SPPL3: variants seen among roughly 807,000 people sequenced by gnomAD.
SPPL3 encodes signal peptide peptidase-like 3.
SPPL3 carries 5 observed loss-of-function variants against 42.4 expected under a neutral mutation model. The observed-to-expected ratio is 0.12, with a 90% confidence interval of 0.06 to 0.25. The LOEUF (loss-of-function observed/expected upper bound fraction) is 0.25. Among genes scored for constraint, SPPL3 ranks in the 10% least tolerant of loss-of-function variants. The pLI is 1.00. For missense variants in SPPL3, 235 were observed against 489.0 expected (o/e 0.48, Z 4.90); for synonymous variants, 195 against 181.8 (o/e 1.07, Z -0.58).
chr12:120,829,324 G>A (rs938051576), intron 1 of SPPL3, among the ~76,000 whole-genome samples: 1 of 152,130 alleles, frequency 6.6e-6, no homozygotes, highest in Non-Finnish European at 1.5e-5. Flanking sequence ...GGCTGGGTAC[G>A]GTAGCTCACG....
chr12:120,842,946 C>T (rs966802165), intron 1 of SPPL3, among the ~76,000 whole-genome samples: 1 of 152,148 alleles, frequency 6.6e-6, no homozygotes, highest in African/African-American at 2.4e-5. Context: ...GACTTAGAAA[C>T]TGGAGGAGGC....
At position 120,766,089 on chromosome 12, in the gene SPPL3, A is replaced by AGCGC. The variant is rs762176472; in HGVS notation, c.1083+170_1083+173dup. Among the ~76,000 whole-genome samples, 22 of 142,770 alleles carry AGCGC rather than the reference A, an allele frequency of 1.5e-4. No individual in the cohort carries two copies. The South Asian group carries it at 1.9e-3, about 12-fold the overall frequency. The allele number at this position is 142,770 out of a possible 152,430, so 93.7% of individuals were successfully genotyped here. A position where few individuals can be genotyped will look rare whatever the true frequency, so the allele number is the denominator to read the frequency against. ...TGGAAGCGTTTGCTAACGCCAGGGT[A>AGCGC]GCGCGCGCGCGCACACACACACACA... On this transcript the variant is annotated intron_variant, in intron 10 of 10. Coordinates refer to ENST00000353487, the MANE Select transcript of SPPL3 (RefSeq NM_139015.5).
intron 1 of SPPL3, among the ~76,000 whole-genome samples, chr12:120,894,114 C>T (rs931705354): frequency 1.3e-5 from 2 of 152,140 alleles, no homozygotes; most frequent in African/African-American, 4.8e-5. Context: ...ACCCTGAGGT[C>T]AGGAGTTCAC....
intron 6 of SPPL3, chr12:120,769,287 C>G (rs1210307385): frequency 2.4e-6 from 1 of 414,786 alleles, no homozygotes; most frequent in African/African-American, 2.0e-5. Context: ...AGACATAGTG[C>G]TCGGCTGTTG....
At chr12:120,862,568 T>C (rs779160558) in intron 1 of SPPL3, among the ~76,000 whole-genome samples, 3 of 152,088 alleles carry the variant, frequency 2.0e-5, no homozygotes, top group African/African-American at 4.8e-5. Flanking sequence ...TTATAAAGGA[T>C]ACAACTCAGG....
chr12:120,811,954 A>T (rs1040028360), intron 1 of SPPL3, among the ~76,000 whole-genome samples: 1 of 152,190 alleles, frequency 6.6e-6, no homozygotes, highest in Non-Finnish European at 1.5e-5. Flanking sequence ...GATGCAGTCT[A>T]AGAACAGGGG....
rs1021848058 is a variant in SPPL3 at position 120,764,285 on chromosome 12, T to C, written c.*714A>G. ...ACAGCGTGATCTTAGCAGGATTTCATTTTTGTTTATTCATATATATCTATG... is the reference window on the plus strand; with the variant it reads ...ACAGCGTGATCTTAGCAGGATTTCACTTTTGTTTATTCATATATATCTATG... On this transcript the variant is annotated 3_prime_UTR_variant, in exon 11 of 11. Coordinates refer to ENST00000353487, the MANE Select transcript of SPPL3 (RefSeq NM_139015.5). 1 of 152,122 alleles carries C rather than the reference T, an allele frequency of 6.6e-6. No individual in the cohort carries two copies. Among genetic ancestry groups the C allele is most frequent in the Non-Finnish European group, 1.5e-5 (1 of 68,040 alleles). 9.4% of individuals were successfully genotyped at this position (152,122 alleles called of 1,614,324 possible).
rs903238602 is a variant in SPPL3 at position 120,791,285 on chromosome 12, A to G, written c.190+184T>C. ...TCAAATCTTTCTATAAGCATCAAAC[A>G]TTTTTATTAACGTTATTGAGGTACA... On this transcript the variant is annotated intron_variant, in intron 3 of 10. Transcript: ENST00000353487. Among the ~76,000 whole-genome samples the G allele has an allele frequency of 3.3e-5, 5 of 152,184 alleles. 1 individual carries two copies. In the South Asian group the frequency reaches 1.0e-3, roughly 31 times the overall value.
intron 2 of SPPL3, 138 bp from the exon 3 acceptor site, chr12:120,791,695 T>C (rs1054448867): frequency 3.2e-6 from 2 of 621,966 alleles, no homozygotes; most frequent in Admixed American, 3.4e-5. Flanking sequence ...ATAGCTCTTG[T>C]AACATTTTAA....
At chr12:120,796,008 A>C (rs1326588806) in intron 2 of SPPL3, among the ~76,000 whole-genome samples, 1 of 152,166 alleles carries the variant, frequency 6.6e-6, no homozygotes, top group Non-Finnish European at 1.5e-5. Flanking sequence ...ATTGCTGTTA[A>C]TCCCATCCAG....
At chr12:120,803,518 C>T (rs900808726) in intron 2 of SPPL3, among the ~76,000 whole-genome samples, 10 of 151,600 alleles carry the variant, frequency 6.6e-5, no homozygotes, top group African/African-American at 2.2e-4. Flanking sequence ...TTTTTCTCAG[C>T]TCCAGAAAGG....
chr12:120,766,100 G>GCGCGCA (rs1186435935), intron 10 of SPPL3, among the ~76,000 whole-genome samples, 163 bp downstream of exon 10: 2 of 84,142 alleles, frequency 2.4e-5, no homozygotes, highest in African/African-American at 4.3e-5. Context: ...GCGCGCGCGC[G>GCGCGCA]CACACACACA....
chr12:120,784,637 G>GT, intron 3 of SPPL3, 44 bp from the exon 4 acceptor site: 1 of 1,511,098 alleles, frequency 6.6e-7, no homozygotes, highest in Non-Finnish European at 9.0e-7. Context: ...TTATGCACCA[G>GT]GCACTGTGCC....
intron 6 of SPPL3, among the ~76,000 whole-genome samples, chr12:120,780,127 C>T (rs959753553): frequency 1.3e-5 from 2 of 151,316 alleles, no homozygotes; most frequent in Non-Finnish European, 3.0e-5. Flanking sequence ...TGCAGTCTCA[C>T]TATGTTGCCC....
chr12:120,791,146 T>A (rs1382764592), intron 3 of SPPL3, among the ~76,000 whole-genome samples: 1 of 152,132 alleles, frequency 6.6e-6, no homozygotes, highest in Non-Finnish European at 1.5e-5. Context: ...AAGAACATCT[T>A]GGCAAAAATT....
At position 120,899,634 on chromosome 12, in the gene SPPL3, T is replaced by C. The variant is rs1873913046; in HGVS notation, c.23+4211A>G. Among the ~76,000 whole-genome samples the C allele has an allele frequency of 3.9e-5, 6 of 152,246 alleles. No homozygotes were observed. The South Asian group carries it at 1.2e-3, about 32-fold the overall frequency. On this transcript the variant is annotated intron_variant, in intron 1 of 10. Transcript: ENST00000353487. ...CGCCGGGCACAGTGGCTCACACCTA[T>C]AATCCCAGCACTTTGGGAGGCTGAG...
At chr12:120,789,421 T>C (rs1361917312) in intron 3 of SPPL3, among the ~76,000 whole-genome samples, 4 of 122,736 alleles carry the variant, frequency 3.3e-5, no homozygotes, top group African/African-American at 1.2e-4. Flanking sequence ...ACCTCTGCAC[T>C]CCAGCCTGGG....
chr12:120,793,238 G>C (rs957948588), intron 2 of SPPL3, among the ~76,000 whole-genome samples: 1 of 152,080 alleles, frequency 6.6e-6, no homozygotes, highest in East Asian at 1.9e-4. Context: ...GGCTGGAAGC[G>C]GTGGCTCACG....
At chr12:120,816,454 C>T (rs597203) in intron 1 of SPPL3, among the ~76,000 whole-genome samples, 115,132 of 152,254 alleles carry the variant, frequency 0.76, 44,626 homozygotes, top group African/African-American at 0.91. Flanking sequence ...GATTATTTTA[C>T]GATGTTATTT....
Sources: allele counts gnomAD v4.1 joint callset (sites outside exome capture counted in the v4.1 genomes callset), GRCh38; gene constraint gnomAD v4.1.1; transcripts MANE v1.5; gene names NCBI Gene and HGNC (gene_info 2026-07-23, HGNC 2026-07-21).